The following SRGAP1 variants were observed in gnomAD, a reference collection of about 807,000 sequenced individuals.
SRGAP1 encodes SLIT-ROBO Rho GTPase-activating protein 1.
Under a neutral mutation model 121.9 loss-of-function variants are expected in SRGAP1, and 43 were observed. The observed-to-expected ratio is 0.35, with a 90% CI of 0.28 to 0.46. SRGAP1 has a LOEUF of 0.46. SRGAP1 is among the 20% of genes least tolerant of loss of function. SRGAP1 has a pLI of 1.00. For synonymous variants in SRGAP1, 447 were observed against 485.4 expected, an observed-to-expected ratio of 0.92 and a Z score of 1.04; for missense variants, 1,102 against 1,350.9, an observed-to-expected ratio of 0.82 and a Z score of 2.89.
chr12:64,082,768 A>C (rs968282201), intron 10 of SRGAP1, among the ~76,000 whole-genome samples: 1 of 151,986 alleles, frequency 6.6e-6, no homozygotes, highest in Non-Finnish European at 1.5e-5. Flanking sequence ...TTATCTTGGA[A>C]TTTTTTTCAA....
At chr12:63,997,986 A>G (rs901603412) in intron 3 of SRGAP1, among the ~76,000 whole-genome samples, 1 of 148,890 alleles carries the variant, frequency 6.7e-6, no homozygotes, top group Non-Finnish European at 1.5e-5. Flanking sequence ...AGAGCCTATC[A>G]CTCTTTTGCC....
rs759624963 is a variant in SRGAP1 at position 64,111,804 on chromosome 12, C to A, written c.1962C>A (p.Asn654Lys). The change falls in exon 17 of 22, where the codon AAC becomes AAA. Residue 654 changes from asparagine to lysine, a missense_variant. Asn to Lys is a moderately conservative substitution (Grantham distance 94, BLOSUM62 0). Transcript: ENST00000355086. ...ATGAGAATATGATGGACCCTTATAACCTGGCCATTTGCTTTGGCCCAACAT... is the reference window on the plus strand; with the variant it reads ...ATGAGAATATGATGGACCCTTATAAACTGGCCATTTGCTTTGGCCCAACAT... ...YSDENMMDPY[N>K]LAICFGPTLM... 1.2e-6 allele frequency: 2 copies of A among 1,613,952 alleles called. No homozygotes were observed. The highest frequency in any genetic ancestry group is 2.2e-5 in the South Asian group (2 of 91,072).
intron 8 of SRGAP1, among the ~76,000 whole-genome samples, chr12:64,073,142 G>T (rs751485291): frequency 2.0e-5 from 3 of 152,022 alleles, no homozygotes; most frequent in Non-Finnish European, 4.4e-5. Context: ...TCAGAAGCTC[G>T]TGTTACTGTC....
rs1592919770 is a variant in SRGAP1 at position 63,890,120 on chromosome 12, C to T, written c.67+45237C>T. ...GCAGGTACTTCTGGTGTAATCCAGG[C>T]CCTGATACCTGGCCCAGAGCAGGGG... is the stretch of plus-strand genomic sequence containing the variant. On this transcript the variant is annotated intron_variant, in intron 1 of 21. Transcript: ENST00000355086. 3.3e-5 allele frequency among the ~76,000 whole-genome samples: 5 copies of T among 152,238 alleles called. 1 individual carries two copies. Among genetic ancestry groups the T allele is most frequent in the Admixed American group, 3.3e-4 (5 of 15,292 alleles).
chr12:64,020,221 C>T (rs1242830718), intron 4 of SRGAP1, among the ~76,000 whole-genome samples: 2 of 152,074 alleles, frequency 1.3e-5, no homozygotes, highest in South Asian at 4.1e-4. Context: ...TCCATTTATA[C>T]GTTAGAGTGA....
At chr12:64,059,116 G>A (rs1391795556) in intron 6 of SRGAP1, among the ~76,000 whole-genome samples, 1 of 152,004 alleles carries the variant, frequency 6.6e-6, no homozygotes, top group East Asian at 1.9e-4. Flanking sequence ...CCACATGCAC[G>A]CTCCTCCCAG....
chr12:64,077,801 C>T (rs751998642), intron 8 of SRGAP1, among the ~76,000 whole-genome samples: 20 of 151,984 alleles, frequency 1.3e-4, no homozygotes, highest in Non-Finnish European at 2.6e-4. Flanking sequence ...AATCTTTGTT[C>T]ATCTGGACAC....
At chr12:63,908,982 C>T (rs1386191935) in intron 1 of SRGAP1, among the ~76,000 whole-genome samples, 1 of 152,080 alleles carries the variant, frequency 6.6e-6, no homozygotes, top group Admixed American at 6.5e-5. Context: ...CCTCTGCCTC[C>T]TGGGTTCAAG....
chr12:64,135,837 C>T (rs890664576), intron 21 of SRGAP1, among the ~76,000 whole-genome samples: 9 of 152,184 alleles, frequency 5.9e-5, no homozygotes, highest in African/African-American at 2.2e-4. Flanking sequence ...TAATGGAATA[C>T]ATATACATAT....
At chr12:63,919,515 TATATATACAC>T (rs2030951654) in intron 1 of SRGAP1, among the ~76,000 whole-genome samples, 3 of 148,278 alleles carry the variant, frequency 2.0e-5, no homozygotes, top group African/African-American at 7.8e-5. Flanking sequence ...TATATATATA[TATATATACAC>T]ATACACACAC....
chr12:64,126,552 T>C (rs1359776738), intron 19 of SRGAP1, among the ~76,000 whole-genome samples: 1 of 152,230 alleles, frequency 6.6e-6, no homozygotes, highest in African/African-American at 2.4e-5. Context: ...TGCTATGCTG[T>C]TTTTTGTTTT....
At chr12:64,025,234 C>T (rs959209250) in intron 4 of SRGAP1, among the ~76,000 whole-genome samples, 5 of 151,892 alleles carry the variant, frequency 3.3e-5, no homozygotes, top group South Asian at 2.1e-4. Flanking sequence ...TTGAAAACAG[C>T]CTCCGAGGAC....
chr12:63,856,290 AAAT>A (rs1285216112), intron 1 of SRGAP1, among the ~76,000 whole-genome samples: 2 of 139,484 alleles, frequency 1.4e-5, no homozygotes, highest in African/African-American at 5.7e-5. Flanking sequence ...ATAAATAAAT[AAAT>A]AAAAAGATCC....
chr12:63,884,564 A>G (rs568234472), intron 1 of SRGAP1, among the ~76,000 whole-genome samples: 30 of 152,032 alleles, frequency 2.0e-4, no homozygotes, highest in Non-Finnish European at 7.4e-5. Flanking sequence ...TCTTCTAGCT[A>G]TTTGGTAGTA....
At chr12:64,083,247 G>T (rs2035878677) in intron 10 of SRGAP1, among the ~76,000 whole-genome samples, 1 of 152,178 alleles carries the variant, frequency 6.6e-6, no homozygotes, top group South Asian at 2.1e-4. Context: ...TTTGGGGACA[G>T]TCCTGACTTT....
intron 1 of SRGAP1, among the ~76,000 whole-genome samples, chr12:63,910,207 A>C (rs2030428372): frequency 1.3e-5 from 2 of 152,224 alleles, no homozygotes; most frequent in African/African-American, 4.8e-5. Flanking sequence ...AATGACTTCA[A>C]CAAGGTTAAG....
At chr12:63,887,785 A>G (rs993383079) in intron 1 of SRGAP1, 3 of 152,240 alleles carry the variant, frequency 2.0e-5, no homozygotes, top group African/African-American at 7.2e-5. Flanking sequence ...CCTTTCTTCA[A>G]GGTCTTTGAA....
At chr12:64,030,343 A>G (rs151201528) in intron 4 of SRGAP1, among the ~76,000 whole-genome samples, 1,692 of 152,320 alleles carry the variant, frequency 0.011, 15 homozygotes, top group Non-Finnish European at 0.017. Flanking sequence ...AACCCCACCT[A>G]TGACTCAAAG....
At chr12:64,041,684 C>T (rs2035028297) in intron 4 of SRGAP1, among the ~76,000 whole-genome samples, 2 of 151,772 alleles carry the variant, frequency 1.3e-5, no homozygotes. Flanking sequence ...CCACCATGCC[C>T]TGCCCTTAGT....
Sources: gnomAD v4.1 joint callset for allele counts (sites outside exome capture counted in the v4.1 genomes callset) on GRCh38, gnomAD v4.1.1 for gene constraint, MANE v1.5 for transcripts, NCBI Gene and HGNC (gene_info 2026-07-23, HGNC 2026-07-21) for gene names.